TRHDE: variants seen among roughly 807,000 people sequenced by gnomAD.
The protein encoded by TRHDE is thyrotropin releasing hormone degrading enzyme.
TRHDE carries 72 observed loss-of-function variants against 125.7 expected under a neutral mutation model. That is an observed-to-expected ratio of 0.57 (90% CI 0.47 to 0.70). The LOEUF is 0.70. Ranked by LOEUF, TRHDE falls within the 30% of genes least tolerant of loss-of-function variation. The pLI is 0.00. For synonymous variants in TRHDE, 509 were observed against 509.1 expected (o/e 1.00, Z 0.00); for missense variants, 1,110 against 1,327.1 (o/e 0.84, Z 2.54).
At chr12:72,655,681 T>A (rs1160282033) in intron 17 of TRHDE, among the ~76,000 whole-genome samples, 1 of 152,204 alleles carries the variant, frequency 6.6e-6, no homozygotes, top group Non-Finnish European at 1.5e-5. Context: ...AGGAACAGAC[T>A]GTACCTTATT....
At chr12:72,371,993 T>C (rs984039137) in intron 2 of TRHDE, among the ~76,000 whole-genome samples, 2 of 152,172 alleles carry the variant, frequency 1.3e-5, no homozygotes, top group Non-Finnish European at 2.9e-5. Context: ...GTTGAACTAG[T>C]TTACAGTCCC....
intron 1 of TRHDE, among the ~76,000 whole-genome samples, chr12:72,104,638 A>G (rs1397130434): frequency 6.6e-6 from 1 of 152,228 alleles, no homozygotes. Flanking sequence ...CTTCATTGGT[A>G]TATGGATAAT....
chr12:72,113,391 G>A (rs145385299), intron 2 of TRHDE, among the ~76,000 whole-genome samples: 2,475 of 151,588 alleles, frequency 0.016, 35 homozygotes, highest in Middle Eastern at 0.037. Context: ...TTAGGATGCC[G>A]AGGTGCATAG....
chr12:72,276,397 A>T (rs1159208042), intron 1 of TRHDE, among the ~76,000 whole-genome samples: 1 of 152,240 alleles, frequency 6.6e-6, no homozygotes, highest in Non-Finnish European at 1.5e-5. Context: ...TGAAATGCTT[A>T]AAACAGCAAT....
chr12:72,633,310 A>T (rs1873576804), intron 15 of TRHDE, among the ~76,000 whole-genome samples: 1 of 152,058 alleles, frequency 6.6e-6, no homozygotes, highest in Non-Finnish European at 1.5e-5. Context: ...CTTTGCAAAC[A>T]TGCAAAATTA....
intron 3 of TRHDE, among the ~76,000 whole-genome samples, chr12:72,419,631 A>C (rs1457085549): frequency 6.6e-6 from 1 of 152,182 alleles, no homozygotes; most frequent in East Asian, 1.9e-4. Flanking sequence ...ATTTATGAGA[A>C]ATCTGCTCCC....
intron 2 of TRHDE, chr12:72,253,626 A>G (rs1197172097): frequency 6.6e-6 from 1 of 152,188 alleles, no homozygotes; most frequent in East Asian, 1.9e-4. Flanking sequence ...TTCCCTCCTT[A>G]GCAACATTCA....
rs201083379 is a variant in TRHDE at position 72,636,923 on chromosome 12, T to G, written c.2675+15172T>G. 1.7e-3 allele frequency among the ~76,000 whole-genome samples: 260 copies of G among 152,220 alleles called. 3 individuals carry two copies. In the East Asian group the frequency reaches 0.037, roughly 22 times the overall value. On this transcript the variant is annotated intron_variant, in intron 15 of 18. Transcript: ENST00000261180. ...CGTTTTGCCAGTATTTTATTGAGGA[T>G]TTTTGCATCAATGTTCATCAAGGAT...
chr12:72,633,297 C>T (rs1355865377), intron 15 of TRHDE, among the ~76,000 whole-genome samples: 1 of 151,968 alleles, frequency 6.6e-6, no homozygotes, highest in East Asian at 1.9e-4. Flanking sequence ...GCTGCATATG[C>T]CTCTTTGCAA....
At chr12:72,448,749 A>G (rs1875425139) in intron 3 of TRHDE, among the ~76,000 whole-genome samples, 2 of 111,222 alleles carry the variant, frequency 1.8e-5, no homozygotes, top group South Asian at 2.5e-4. Flanking sequence ...GCAATTTAGG[A>G]AAAAAAAATG....
intron 17 of TRHDE, among the ~76,000 whole-genome samples, chr12:72,655,839 T>A (rs1874688942): frequency 6.6e-6 from 1 of 152,208 alleles, no homozygotes; most frequent in Non-Finnish European, 1.5e-5. Context: ...TGAATGCCTA[T>A]TTGTTTGCTT....
chr12:72,301,238 T>C (rs74105311), intron 2 of TRHDE, among the ~76,000 whole-genome samples: 2,670 of 152,256 alleles, frequency 0.018, 86 homozygotes, highest in African/African-American at 0.061. Flanking sequence ...GAAGTGTCTC[T>C]CAGTATTCCA....
At chr12:72,180,838 G>A (rs1265686470) in intron 2 of TRHDE, among the ~76,000 whole-genome samples, 2 of 152,184 alleles carry the variant, frequency 1.3e-5, no homozygotes, top group Non-Finnish European at 2.9e-5. Context: ...GCCACGAATG[G>A]AAGGAGTCTG....
chr12:72,619,330 G>T (rs1426363301), intron 13 of TRHDE, among the ~76,000 whole-genome samples: 4 of 152,086 alleles, frequency 2.6e-5, no homozygotes, highest in Non-Finnish European at 5.9e-5. Flanking sequence ...GAGTTAGAGG[G>T]CTCTGTGTTC....
At chr12:72,467,758 T>C (rs1477342338) in intron 3 of TRHDE, among the ~76,000 whole-genome samples, 1 of 152,154 alleles carries the variant, frequency 6.6e-6, no homozygotes, top group Non-Finnish European at 1.5e-5. Flanking sequence ...GAGGTTGCGG[T>C]GAGCCGAGAT....
chr12:72,158,380 A>G (rs1876565374), intron 2 of TRHDE, among the ~76,000 whole-genome samples: 2 of 151,468 alleles, frequency 1.3e-5, no homozygotes, highest in African/African-American at 4.8e-5. Context: ...ATGTGTATAT[A>G]TTATATATAT....
At chr12:72,420,046 G>A (rs1314172713) in intron 3 of TRHDE, among the ~76,000 whole-genome samples, 1 of 152,094 alleles carries the variant, frequency 6.6e-6, no homozygotes, top group African/African-American at 2.4e-5. Flanking sequence ...TATTTCAAAG[G>A]TTTTCATCAT....
chr12:72,290,636 C>A (rs1880052513), intron 2 of TRHDE, among the ~76,000 whole-genome samples: 1 of 152,124 alleles, frequency 6.6e-6, no homozygotes, highest in Non-Finnish European at 1.5e-5. Flanking sequence ...CAGCTAGGGG[C>A]CAGAATCATT....
At chr12:72,306,144 A>T (rs1868338061) in intron 2 of TRHDE, among the ~76,000 whole-genome samples, 1 of 152,170 alleles carries the variant, frequency 6.6e-6, no homozygotes, top group African/African-American at 2.4e-5. Context: ...TTTTCTTCTA[A>T]AAAGTTATGA....
Sources: allele counts gnomAD v4.1 joint callset (sites outside exome capture counted in the v4.1 genomes callset), GRCh38; gene constraint gnomAD v4.1.1; transcripts MANE v1.5; gene names NCBI Gene and HGNC (gene_info 2026-07-23, HGNC 2026-07-21).